Variants in ABHD5 observed in about 807,000 individuals in gnomAD.
ABHD5 encodes the protein 1-acylglycerol-3-phosphate O-acyltransferase ABHD5.
A neutral mutation model predicts 44.9 loss-of-function variants in ABHD5; 30 were observed. The observed-to-expected ratio is 0.67, with a 90% CI of 0.50 to 0.91. The LOEUF (loss-of-function observed/expected upper bound fraction) is 0.91, where lower values mean the gene tolerates loss of function less well. Ranked by LOEUF, ABHD5 falls within the 40% of genes least tolerant of loss-of-function variation. ABHD5 has a pLI of 0.00. For synonymous variants in ABHD5, 167 were observed against 147.0 expected, an observed-to-expected ratio of 1.14 and a Z score of -0.99; for missense variants, 399 against 423.4, an observed-to-expected ratio of 0.94 and a Z score of 0.50.
intron 1 of ABHD5, among the ~76,000 whole-genome samples, chr3:43,693,623 TTGG>T (rs1184888983): frequency 6.6e-6 from 1 of 152,188 alleles, no homozygotes; most frequent in African/African-American, 2.4e-5. Flanking sequence ...TGGGTCCTTT[TTGG>T]TGTTTGTTAC....
chr3:43,709,975 G>A (rs1011701673), intron 3 of ABHD5, among the ~76,000 whole-genome samples: 8 of 152,142 alleles, frequency 5.3e-5, no homozygotes, highest in African/African-American at 1.4e-4. Flanking sequence ...CCTGGGAGGC[G>A]GAGGTTGAAG....
chr3:43,695,407 T>C (rs1466576114), intron 1 of ABHD5, among the ~76,000 whole-genome samples: 1 of 152,230 alleles, frequency 6.6e-6, no homozygotes, highest in African/African-American at 2.4e-5. Flanking sequence ...AGAGCTGTGC[T>C]TAGGTTTATC....
rs574001943 is a variant in ABHD5 at position 43,714,865 on chromosome 3, A to G, written c.662-82A>G. The G allele has an allele frequency of 8.5e-6, 8 of 943,600 alleles. No individual in the cohort carries two copies. In the African/African-American group the frequency reaches 1.2e-4, roughly 14 times the overall value. 58.5% of individuals were successfully genotyped at this position (943,600 alleles called of 1,614,324 possible). ...GCATATAACACTCATTACACAGACA[A>G]GCACTAAAACTTTCTATATTATTTA... On this transcript the variant is annotated intron_variant, in intron 4 of 6. Coordinates refer to ENST00000644371, the MANE Select transcript of ABHD5 (RefSeq NM_016006.6).
intron 7 of ABHD5, among the ~76,000 whole-genome samples, chr3:43,732,090 C>T (rs1697243416): frequency 6.6e-6 from 1 of 152,028 alleles, no homozygotes; most frequent in African/African-American, 2.4e-5. Context: ...AAATTATTGT[C>T]TTTAATATTC....
intron 4 of ABHD5, among the ~76,000 whole-genome samples, chr3:43,712,467 C>T (rs1350624745): frequency 6.6e-6 from 1 of 152,148 alleles, no homozygotes; most frequent in Non-Finnish European, 1.5e-5. Flanking sequence ...TTATTTGACT[C>T]TCAGCAGTTC....
chr3:43,714,278 G>A (rs898841683), intron 4 of ABHD5, among the ~76,000 whole-genome samples: 3 of 151,906 alleles, frequency 2.0e-5, no homozygotes, highest in East Asian at 3.9e-4. Context: ...GGGATTACAG[G>A]TGCACGCCAC....
upstream of ABHD5, chr3:43,690,895 C>G: frequency 7.5e-7 from 1 of 1,332,534 alleles, no homozygotes; most frequent in Non-Finnish European, 9.9e-7. Flanking sequence ...CATGCGCTGG[C>G]GGCCTGCGCC....
chr3:43,732,344 C>G (rs775643055), intron 7 of ABHD5, among the ~76,000 whole-genome samples: 11 of 152,004 alleles, frequency 7.2e-5, no homozygotes, highest in African/African-American at 2.7e-4. Context: ...GCAGGAGACT[C>G]GCTTGAACCT....
intron 7 of ABHD5, among the ~76,000 whole-genome samples, chr3:43,730,780 G>A (rs963874595): frequency 5.9e-5 from 9 of 151,960 alleles, no homozygotes; most frequent in African/African-American, 2.2e-4. Context: ...TGTTGAGATT[G>A]CAGGCATGAG....
At chr3:43,697,342 A>AT (rs1336096111) in intron 1 of ABHD5, among the ~76,000 whole-genome samples, 1 of 151,878 alleles carries the variant, frequency 6.6e-6, no homozygotes, top group Non-Finnish European at 1.5e-5. Context: ...TTTCACTGTA[A>AT]TTTTTTTTAA....
Position 43,718,514 on chromosome 3 carries a change from C to G in ABHD5, c.1032C>G (p.Ile344Met). ...PEEFNQKVKE[I>M]CDTVD ...AATTCAACCAGAAAGTAAAGGAGAT[C>G]TGCGACACTGTGGACTGAACACACT... Residue 344 changes from isoleucine (I) to methionine (M), a missense_variant, in exon 7 of 7, where the codon ATC becomes ATG. Transcript: ENST00000644371. 6.2e-7 allele frequency: 1 copy of G among 1,614,110 alleles called. No homozygotes were observed.
rs1424007074 is a variant in ABHD5 at position 43,699,300 on chromosome 3, C to T, written c.72C>T (p.Leu24=). The part of the protein sequence containing the change: ...GERSGWLTGW[L]PTWCPTSISH... ...GGTCAGGATGGCTAACTGGTTGGCT[C>T]CCCACATGGTGCCCTACGTCTATAT... Residue 24 remains leucine (L), a synonymous_variant, in exon 2 of 7, where the codon CTC becomes CTT. Transcript: ENST00000644371. 2.2e-5 allele frequency: 35 copies of T among 1,613,872 alleles called. No homozygotes were observed. Among genetic ancestry groups the T allele is most frequent in the Non-Finnish European group, 2.8e-5 (33 of 1,179,916 alleles).
At chr3:43,696,788 G>A (rs2084478813) in intron 1 of ABHD5, among the ~76,000 whole-genome samples, 1 of 152,170 alleles carries the variant, frequency 6.6e-6, no homozygotes, top group Non-Finnish European at 1.5e-5. Flanking sequence ...AGTGAAACTG[G>A]ACAGAAGCAT....
rs761573163 is a variant in ABHD5 at position 43,690,985 on chromosome 3, C to G, written c.-8C>G. 1.3e-6 allele frequency: 2 copies of G among 1,572,754 alleles called. No individual in the cohort carries two copies. Among genetic ancestry groups the G allele is most frequent in the Admixed American group, 1.8e-5 (1 of 55,776 alleles). On this transcript the variant is annotated 5_prime_UTR_variant, in exon 1 of 7. Transcript: ENST00000644371. ...GAGATAAGTCCCGGCGCTTGCGCGG[C>G]GGCGGCTATGGCGGCGGAGGAGGAG...
intron 7 of ABHD5, among the ~76,000 whole-genome samples, chr3:43,732,472 C>T (rs1697257246): frequency 6.6e-6 from 1 of 151,950 alleles, no homozygotes; most frequent in African/African-American, 2.4e-5. Context: ...GAGATGTGTA[C>T]TTAAAAATCA....
chr3:43,723,139 AAAG>A (rs2084854894), downstream of ABHD5, among the ~76,000 whole-genome samples: 1 of 152,210 alleles, frequency 6.6e-6, no homozygotes, highest in African/African-American at 2.4e-5. Flanking sequence ...TGAGCATCAG[AAAG>A]AATAATGTGT....
chr3:43,707,243 T>TTA (rs1408482261), intron 3 of ABHD5, among the ~76,000 whole-genome samples: 1 of 152,222 alleles, frequency 6.6e-6, no homozygotes, highest in African/African-American at 2.4e-5. Context: ...TAGAAAGTGT[T>TTA]TAGCAAAGAG....
At chr3:43,694,600 G>C (rs2084447157) in intron 1 of ABHD5, among the ~76,000 whole-genome samples, 2 of 152,188 alleles carry the variant, frequency 1.3e-5, no homozygotes, top group South Asian at 2.1e-4. Context: ...CTCTAAAATG[G>C]TTTGTTTACT....
chr3:43,696,785 C>T (rs2084478781), intron 1 of ABHD5, among the ~76,000 whole-genome samples: 2 of 152,230 alleles, frequency 1.3e-5, no homozygotes, highest in South Asian at 4.1e-4. Flanking sequence ...TAAAGTGAAA[C>T]TGGACAGAAG....
Sources: gnomAD v4.1 joint callset for allele counts (sites outside exome capture counted in the v4.1 genomes callset) on GRCh38, gnomAD v4.1.1 for gene constraint, MANE v1.5 for transcripts, NCBI Gene and HGNC (gene_info 2026-07-23, HGNC 2026-07-21) for gene names.